The following LRP1B variants were observed in gnomAD, a reference collection of about 807,000 sequenced individuals.
LRP1B encodes LDL receptor related protein 1B, also known as low-density lipoprotein receptor-related protein 1B.
Under a neutral mutation model 556.6 loss-of-function variants are expected in LRP1B, and 217 were observed. The observed-to-expected ratio is 0.39, with a 90% CI of 0.35 to 0.44. The LOEUF is 0.44. Ranked by LOEUF, LRP1B falls within the 20% of genes least tolerant of loss-of-function variation. The pLI, the probability that LRP1B is intolerant of heterozygous loss-of-function variation, is 1.00. For missense variants in LRP1B, 5,053 were observed against 5,620.8 expected, an observed-to-expected ratio of 0.90 and a Z score of 3.23; for synonymous variants, 2,047 against 1,865.8, an observed-to-expected ratio of 1.10 and a Z score of -2.50.
chr2:140,370,249 G>C (rs1330939660), intron 71 of LRP1B, among the ~76,000 whole-genome samples: 1 of 151,982 alleles, frequency 6.6e-6, no homozygotes, highest in East Asian at 1.9e-4. Context: ...TAGGGATTTG[G>C]GGCACAACCT....
rs1357170383 is a variant in LRP1B, at chr2:140,483,410, GT to G, written c.9425+1932del. 4.6e-5 allele frequency among the ~76,000 whole-genome samples: 7 copies of G among 151,492 alleles called. 1 individual carries two copies. The highest frequency in any genetic ancestry group is 4.0e-4 in the Admixed American group (6 of 15,164). ...CTGCATTCACTAGAATAGGACACAG[GT>G]TTTGCTTCATAAATAGAAAAGACCA... On this transcript the variant is annotated intron_variant, in intron 59 of 90. Coordinates refer to ENST00000389484, the MANE Select transcript of LRP1B (RefSeq NM_018557.3).
chr2:141,067,570 GAT>G (rs1018527386), intron 7 of LRP1B, among the ~76,000 whole-genome samples: 1 of 151,968 alleles, frequency 6.6e-6, no homozygotes, highest in African/African-American at 2.4e-5. Context: ...ACGTGTATTG[GAT>G]ATGTCAGGCA....
At chr2:141,699,482 C>A (rs1487521260) in intron 2 of LRP1B, among the ~76,000 whole-genome samples, 1 of 151,710 alleles carries the variant, frequency 6.6e-6, no homozygotes, top group East Asian at 1.9e-4. Flanking sequence ...GTCAGGATTA[C>A]AATTTTGAGC....
chr2:141,527,480 A>G (rs951052786), intron 2 of LRP1B, among the ~76,000 whole-genome samples: 1 of 152,030 alleles, frequency 6.6e-6, no homozygotes, highest in Non-Finnish European at 1.5e-5. Flanking sequence ...ATTACTTGCC[A>G]TCATTATAGA....
At chr2:142,093,605 C>T (rs2104954461) in intron 1 of LRP1B, among the ~76,000 whole-genome samples, 1 of 152,192 alleles carries the variant, frequency 6.6e-6, no homozygotes, top group South Asian at 2.1e-4. Flanking sequence ...GCAGTGGACA[C>T]AGAAGAAGCC....
At chr2:140,846,572 G>C (rs1692280195) in intron 29 of LRP1B, among the ~76,000 whole-genome samples, 1 of 151,968 alleles carries the variant, frequency 6.6e-6, no homozygotes, top group East Asian at 1.9e-4. Context: ...AAAAAAGAAA[G>C]AAAGAAAATG....
chr2:142,114,091 A>C (rs559669064), intron 1 of LRP1B, among the ~76,000 whole-genome samples: 120 of 152,224 alleles, frequency 7.9e-4, no homozygotes, highest in African/African-American at 2.8e-3. Flanking sequence ...CAAGATATAG[A>C]ATCCTTATAG....
intron 1 of LRP1B, among the ~76,000 whole-genome samples, chr2:141,870,316 T>C (rs1488040625): frequency 6.6e-6 from 1 of 151,928 alleles, no homozygotes; most frequent in African/African-American, 2.4e-5. Context: ...ATTAACTGTC[T>C]AGCTACCAGC....
At chr2:141,834,477 G>A (rs1697205740) in intron 1 of LRP1B, among the ~76,000 whole-genome samples, 1 of 151,844 alleles carries the variant, frequency 6.6e-6, no homozygotes, top group African/African-American at 2.4e-5. Context: ...AGGAAATGAA[G>A]CTGTTTCTGG....
chr2:140,866,950 ATGCTAATAAAGGGGTCATTGTT>A (rs1457327897), intron 27 of LRP1B, among the ~76,000 whole-genome samples: 1 of 152,074 alleles, frequency 6.6e-6, no homozygotes, highest in Non-Finnish European at 1.5e-5. Flanking sequence ...AAATGAAAAC[ATGCTAATAAAGGGGTCATTGTT>A]TGCATTCAAA....
At chr2:141,696,791 A>G (rs561719009) in intron 2 of LRP1B, among the ~76,000 whole-genome samples, 21 of 152,118 alleles carry the variant, frequency 1.4e-4, no homozygotes, top group African/African-American at 5.1e-4. Context: ...CTTGGTGACC[A>G]CTAACTGAGA....
At chr2:141,693,988 A>G (rs567153311) in intron 2 of LRP1B, among the ~76,000 whole-genome samples, 1 of 152,124 alleles carries the variant, frequency 6.6e-6, no homozygotes, top group East Asian at 1.9e-4. Context: ...TAGGAATTGG[A>G]GTGCAAATAC....
chr2:141,392,481 A>AT (rs61443034), intron 3 of LRP1B, among the ~76,000 whole-genome samples: 12 of 144,722 alleles, frequency 8.3e-5, no homozygotes, highest in African/African-American at 3.3e-4. Flanking sequence ...AAAAAAAAAA[A>AT]GAGAGACTGT....
At chr2:140,246,488 A>G (rs894129219) in intron 87 of LRP1B, among the ~76,000 whole-genome samples, 1 of 151,212 alleles carries the variant, frequency 6.6e-6, no homozygotes, top group African/African-American at 2.4e-5. Context: ...ACCCACAACG[A>G]TGATATAGAC....
intron 1 of LRP1B, among the ~76,000 whole-genome samples, chr2:141,962,516 A>C (rs979981089): frequency 6.6e-6 from 1 of 151,788 alleles, no homozygotes; most frequent in Non-Finnish European, 1.5e-5. Flanking sequence ...ATTCAACTAC[A>C]ACCTACAGAG....
intron 1 of LRP1B, among the ~76,000 whole-genome samples, chr2:141,846,044 A>G (rs1162817206): frequency 6.6e-6 from 1 of 151,564 alleles, no homozygotes; most frequent in Non-Finnish European, 1.5e-5. Context: ...GAGAGATGTG[A>G]AAAATAGGAG....
intron 12 of LRP1B, among the ~76,000 whole-genome samples, chr2:141,019,204 T>C (rs1450987917): frequency 1.3e-5 from 2 of 152,240 alleles, no homozygotes; most frequent in Non-Finnish European, 2.9e-5. Context: ...TTACCAAGAA[T>C]TGGACAAAAT....
At chr2:142,126,597 C>G (rs1046257030) in intron 1 of LRP1B, among the ~76,000 whole-genome samples, 28 of 151,712 alleles carry the variant, frequency 1.8e-4, no homozygotes, top group African/African-American at 6.8e-4. Flanking sequence ...ACAAGTGTTT[C>G]CTTTGTACAA....
chr2:142,002,936 T>G (rs1574581935), intron 1 of LRP1B, among the ~76,000 whole-genome samples: 1 of 152,334 alleles, frequency 6.6e-6, no homozygotes, highest in African/African-American at 2.4e-5. Flanking sequence ...TGTTCCACTC[T>G]CTAATGAGGA....
Sources: allele counts gnomAD v4.1 joint callset (sites outside exome capture counted in the v4.1 genomes callset), GRCh38; gene constraint gnomAD v4.1.1; transcripts MANE v1.5; gene names NCBI Gene and HGNC (gene_info 2026-07-23, HGNC 2026-07-21).